Variants in PPP1CA observed in about 807,000 individuals in gnomAD.
PPP1CA encodes the protein protein phosphatase 1 catalytic subunit alpha.
PPP1CA carries 14 observed loss-of-function variants against 38.5 expected under a neutral mutation model. The observed-to-expected ratio is 0.36, with a 90% CI of 0.24 to 0.57. The LOEUF (loss-of-function observed/expected upper bound fraction) is 0.57, where lower values mean the gene tolerates loss of function less well. Among genes scored for constraint, PPP1CA ranks in the 20% least tolerant of loss-of-function variants. The pLI, the probability that PPP1CA is intolerant of heterozygous loss-of-function variation, is 0.80. For missense variants in PPP1CA, 277 were observed against 435.2 expected, an observed-to-expected ratio of 0.64 and a Z score of 3.23; for synonymous variants, 200 against 177.3, an observed-to-expected ratio of 1.13 and a Z score of -1.02.
In PPP1CA at chr11:67,401,279, CG is replaced by C. The variant is rs374018164; in HGVS notation, c.56-81del. The C allele has an allele frequency of 1.3e-5, 21 of 1,594,612 alleles. No homozygotes were observed. In the South Asian group the frequency reaches 2.2e-4, roughly 17 times the overall value. On this transcript the variant is annotated intron_variant, in intron 1 of 6. Coordinates refer to ENST00000376745, the MANE Select transcript of PPP1CA (RefSeq NM_002708.4). Reference sequence around the variant, plus strand: ...ACACGGGTGGCCCCATGGATACCTCCGGGGGCGCCTAGGCCTCCTCGGCCCC... The same window carrying C: ...ACACGGGTGGCCCCATGGATACCTCCGGGGCGCCTAGGCCTCCTCGGCCCC...
rs1329881236 is a variant in PPP1CA at position 67,398,520 on chromosome 11, G to C, written c.*15C>G. On this transcript the variant is annotated 3_prime_UTR_variant, in exon 7 of 7. Transcript: ENST00000376745. ...AATCAATCCATCATCTGGGGCACAG[G>C]GTGGTGTGCGGGGGCTATTTCTTGG... The C allele has an allele frequency of 1.2e-6, 2 of 1,609,120 alleles. No homozygotes were observed.
At position 67,401,206 on chromosome 11, in the gene PPP1CA, C is replaced by T; in HGVS notation, c.56-7G>A. On this transcript the variant is annotated splice_region_variant and splice_polypyrimidine_tract_variant and intron_variant, in intron 1 of 6. Transcript: ENST00000376745. ...CCAGGCCGCGAGCCCTGCACTGGGG[C>T]GCAATGGGGTGTCAGGACCCTGGAC... is the stretch of plus-strand genomic sequence containing the variant. The T allele has an allele frequency of 5.6e-6, 9 of 1,613,602 alleles. No individual in the cohort carries two copies. Among genetic ancestry groups the T allele is most frequent in the Non-Finnish European group, 7.6e-6 (9 of 1,179,888 alleles).
chr11:67,401,247 G>A (rs1227047189), intron 1 of PPP1CA, 48 bp from the exon 2 acceptor site: 1 of 1,607,052 alleles, frequency 6.2e-7, no homozygotes, highest in Admixed American at 1.7e-5. Context: ...CAGGAGGAGG[G>A]TGGGCGACAC....
intron 2 of PPP1CA, 41 bp from the exon 3 acceptor site, chr11:67,400,960 G>C: frequency 2.5e-6 from 4 of 1,610,544 alleles, no homozygotes; most frequent in South Asian, 2.2e-5. Context: ...GCAAGGTCTA[G>C]ACCTGAACCC....
chr11:67,401,315 A>C, intron 1 of PPP1CA, 116 bp from the exon 2 acceptor site: 1 of 1,530,084 alleles, frequency 6.5e-7, no homozygotes, highest in Non-Finnish European at 8.9e-7. Flanking sequence ...CTCCTTGCCC[A>C]CAGGCAGCTG....
chr11:67,401,692 G>A, intron 1 of PPP1CA, 36 bp downstream of exon 1: 1 of 1,377,446 alleles, frequency 7.3e-7, no homozygotes, highest in African/African-American at 1.5e-5. Context: ...GGGGGCCAGG[G>A]CGCGGCGGAC....
intron 4 of PPP1CA, 79 bp from the exon 5 acceptor site, chr11:67,399,242 TTCCCACCACCCTCCTGG>T (rs1159132144): frequency 7.8e-7 from 1 of 1,280,290 alleles, no homozygotes; most frequent in Non-Finnish European, 1.1e-6. Context: ...AACCCCACCT[TTCCCACCACCCTCCTGG>T]TCCCGCCACT....
chr11:67,401,837 T>C lies in PPP1CA; in HGVS notation c.-55A>G, dbSNP rs1278946347. The C allele has an allele frequency of 2.7e-5, 35 of 1,315,258 alleles. No individual in the cohort carries two copies. The East Asian group carries it at 7.3e-4, about 28-fold the overall frequency. The allele number at this position is 1,315,258 out of a possible 1,614,324, so 81.5% of individuals were successfully genotyped here. ...CCTGGCCCGCTCCTGCCTCCCGCCC[T>C]CCGGCAGCCTCCTTCCGGCCTGGCT... On this transcript the variant is annotated 5_prime_UTR_variant, in exon 1 of 7. Coordinates refer to ENST00000376745, the MANE Select transcript of PPP1CA (RefSeq NM_002708.4).
intron 3 of PPP1CA, 83 bp from the exon 4 acceptor site, chr11:67,399,748 GGAGA>G (rs1382344598): frequency 3.4e-6 from 4 of 1,169,492 alleles, no homozygotes; most frequent in African/African-American, 1.5e-5. Flanking sequence ...GTGGCTGGGA[GGAGA>G]GAGTCAGGCA....
At position 67,400,858 on chromosome 11, in the gene PPP1CA, G is replaced by C; in HGVS notation, c.249C>G (p.Pro83=). ...LRLFEYGGFP[P]ESNYLFLGDY... ...CCCCCAGAAAGAGGTAGTTGCTCTC[G>C]GGAGGGAAACCGCCATACTCAAATA... Residue 83 remains proline, a synonymous_variant, in exon 3 of 7, where the codon CCC becomes CCG. Transcript: ENST00000376745. The C allele has an allele frequency of 6.2e-7, 1 of 1,614,114 alleles. No individual in the cohort carries two copies. Among genetic ancestry groups the C allele is most frequent in the Non-Finnish European group, 8.5e-7 (1 of 1,180,020 alleles).
chr11:67,401,530 G>A (rs572370907), intron 1 of PPP1CA, 198 bp downstream of exon 1: 3 of 548,008 alleles, frequency 5.5e-6, no homozygotes, highest in East Asian at 3.2e-5. Flanking sequence ...GCCCGGGAGA[G>A]GGGGGGAGCT....
At chr11:67,401,267 C>CATGG (rs753024617) in intron 1 of PPP1CA, 68 bp from the exon 2 acceptor site, 3 of 1,601,654 alleles carry the variant, frequency 1.9e-6, no homozygotes, top group Non-Finnish European at 2.6e-6. Context: ...CGGGTGGCCC[C>CATGG]ATGGATACCT....
At chr11:67,401,289 T>G in intron 1 of PPP1CA, 90 bp from the exon 2 acceptor site, 1 of 1,584,618 alleles carries the variant, frequency 6.3e-7, no homozygotes, top group South Asian at 1.1e-5. Context: ...CGGGGGCGCC[T>G]AGGCCTCCTC....
At chr11:67,401,467 G>A (rs1862887634) in intron 1 of PPP1CA, 2 of 607,660 alleles carry the variant, frequency 3.3e-6, no homozygotes, top group South Asian at 2.5e-5. Context: ...CCTGGACCGG[G>A]CTTCCCGGGT....
At chr11:67,399,930 G>C (rs1036222433) in intron 3 of PPP1CA, among the ~76,000 whole-genome samples, 1 of 152,206 alleles carries the variant, frequency 6.6e-6, no homozygotes, top group African/African-American at 2.4e-5. Context: ...GAGGTCAGAA[G>C]TTCGAGACCA....
At chr11:67,399,435 C>CCAG in intron 4 of PPP1CA, 126 bp downstream of exon 4, 1 of 855,234 alleles carries the variant, frequency 1.2e-6, no homozygotes, top group Non-Finnish European at 1.9e-6. Flanking sequence ...TGAGTGCAGC[C>CCAG]CAGCACAGTG....
rs113168959 is a variant in PPP1CA, at chr11:67,399,453, G to C, written c.523+108C>G. On this transcript the variant is annotated intron_variant, in intron 4 of 6. Transcript: ENST00000376745. The stretch of plus-strand genomic sequence containing the variant: ...GTGCAGCCCAGCACAGTGGGGTATG[G>C]GGGACACTTCCTGGAAGGAGTGACT... The C allele has an allele frequency of 1.3e-3, 1,326 of 996,366 alleles. 9 individuals carry two copies. In the African/African-American group the frequency reaches 0.019, roughly 14 times the overall value. The allele number at this position is 996,366 out of a possible 1,614,324, so 61.7% of individuals were successfully genotyped here. A position where few individuals can be genotyped will look rare whatever the true frequency, so the allele number is the denominator to read the frequency against.
At position 67,398,401 on chromosome 11, in the gene PPP1CA, A is replaced by G; in HGVS notation, c.*134T>C. 1 of 902,392 alleles carries G rather than the reference A, an allele frequency of 1.1e-6. No individual in the cohort carries two copies. Among genetic ancestry groups the G allele is most frequent in the Non-Finnish European group, 1.7e-6 (1 of 603,152 alleles). 55.9% of individuals were successfully genotyped at this position (902,392 alleles called of 1,614,324 possible). A position where few individuals can be genotyped will look rare whatever the true frequency, so the allele number is the denominator to read the frequency against. ...TGCTATTGATTCATTAAAAAAAGAA[A>G]AGAAAAATACACCAAGGCTCCATGT... is the stretch of plus-strand genomic sequence containing the variant. On this transcript the variant is annotated 3_prime_UTR_variant, in exon 7 of 7. Coordinates refer to ENST00000376745, the MANE Select transcript of PPP1CA (RefSeq NM_002708.4).
chr11:67,401,087 C>G lies in PPP1CA; in HGVS notation c.168G>C (p.Glu56Asp). ...GCTCACCGCAGATCTTGAGGGGTGC[C>G]TCCAGCTCCAGAAGAATGGGCTGGC... ...FLSQPILLELEAPLKICGDIH... is the reference protein window; with the variant it reads ...FLSQPILLELDAPLKICGDIH... The change falls in exon 2 of 7, where the codon GAG (glutamate) becomes GAC (aspartate). Residue 56 changes from glutamate (E) to aspartate (D), a missense_variant. Physicochemically the swap from Glu to Asp is conservative, Grantham distance 45. This residue lies in a region of PPP1CA where 180 missense variants were observed against 356.7 expected (regional missense o/e 0.50). Transcript: ENST00000376745. The G allele has an allele frequency of 6.2e-7, 1 of 1,613,888 alleles. No homozygotes were observed.
Sources: allele counts gnomAD v4.1 joint callset (sites outside exome capture counted in the v4.1 genomes callset), GRCh38; gene constraint gnomAD v4.1.1; regional missense constraint gnomAD v4.1.1; transcripts MANE v1.5; gene names NCBI Gene and HGNC (gene_info 2026-07-23, HGNC 2026-07-21).